Variants in POLA1 observed in about 807,000 individuals in gnomAD.
POLA1 encodes the protein DNA polymerase alpha catalytic subunit.
Under a neutral mutation model 124.0 loss-of-function variants are expected in POLA1, and 15 were observed. The ratio of observed to expected loss-of-function variants is 0.12; its 90% confidence interval spans 0.08 to 0.19. The LOEUF (loss-of-function observed/expected upper bound fraction) is 0.19, where lower values mean the gene tolerates loss of function less well. Ranked by LOEUF, POLA1 falls within the 10% of genes least tolerant of loss-of-function variation. The pLI is 1.00. For missense variants in POLA1, 886 were observed against 1,103.4 expected, an observed-to-expected ratio of 0.80 and a Z score of 2.79; for synonymous variants, 408 against 389.4, an observed-to-expected ratio of 1.05 and a Z score of -0.56.
At position 24,749,790 on chromosome X, in the gene POLA1, G is replaced by A. The variant is rs746045687; in HGVS notation, c.2964+798G>A. Among the ~76,000 whole-genome samples the A allele has an allele frequency of 2.7e-5, 3 of 112,293 alleles. No homozygotes were observed. The South Asian group carries it at 1.1e-3, about 42-fold the overall frequency. On this transcript the variant is annotated intron_variant, in intron 26 of 36. Coordinates refer to ENST00000379068, the MANE Select transcript of POLA1 (RefSeq NM_001330360.2). ...TGAGAGTTATTGGCTTTAATAAGAT[G>A]GGCCAGATACCAAATAGAATTTAGG...
chrX:24,735,301 A>ATCTTATGGTAAGAT, intron 17 of POLA1, 98 bp from the exon 18 acceptor site: 1 of 507,777 alleles, frequency 2.0e-6, no homozygotes, highest in Non-Finnish European at 3.5e-6. Context: ...GGTTTCTTTT[A>ATCTTATGGTAAGAT]ACCCTAAGAA....
intron 26 of POLA1, among the ~76,000 whole-genome samples, chrX:24,793,789 T>C (rs1277766985): frequency 9.1e-6 from 1 of 109,840 alleles, no homozygotes; most frequent in African/African-American, 3.3e-5. Flanking sequence ...TTCACCATGT[T>C]GGCCAGGCTG....
chrX:24,861,272 A>T (rs1224174279), intron 34 of POLA1, among the ~76,000 whole-genome samples: 1 of 112,159 alleles, frequency 8.9e-6, no homozygotes, highest in Non-Finnish European at 1.9e-5. Context: ...AGCTGGGGCT[A>T]CAGGCAGGTG....
intron 4 of POLA1, among the ~76,000 whole-genome samples, chrX:24,707,199 C>T (rs1352182949): frequency 8.9e-6 from 1 of 111,927 alleles, no homozygotes; most frequent in African/African-American, 3.3e-5. Flanking sequence ...GTTAGAGTTA[C>T]GGTTCTATTG....
intron 36 of POLA1, among the ~76,000 whole-genome samples, chrX:24,967,256 T>C (rs980635462): frequency 2.7e-5 from 3 of 109,564 alleles, no homozygotes; most frequent in Non-Finnish European, 5.7e-5. Flanking sequence ...ACTACATGAA[T>C]GCATTTCTGT....
rs1188007317 is a variant in POLA1 at position 24,814,963 on chromosome X, T to TG, written c.3297-16_3297-15insG. The TG allele has an allele frequency of 1.9e-6, 2 of 1,073,742 alleles. No homozygotes were observed. The highest frequency in any genetic ancestry group is 2.4e-6 in the Non-Finnish European group (2 of 830,935). The allele number at this position is 1,073,742 out of a possible 1,213,427, so 88.5% of individuals were successfully genotyped here. ...CAACTGCTGTCTTTGTTTTGTTTTT[T>TG]TTTTTTTTTTTGCAGCTTTGTGATT... On this transcript the variant is annotated splice_polypyrimidine_tract_variant and intron_variant, in intron 29 of 36. Coordinates refer to ENST00000379068, the MANE Select transcript of POLA1 (RefSeq NM_001330360.2).
intron 34 of POLA1, among the ~76,000 whole-genome samples, chrX:24,876,696 T>G (rs2046941194): frequency 9.7e-6 from 1 of 103,606 alleles, no homozygotes; most frequent in Non-Finnish European, 2.0e-5. Context: ...GGGGGGATAG[T>G]GGTAGTGGTA....
intron 36 of POLA1, among the ~76,000 whole-genome samples, chrX:24,984,889 T>C (rs896161002): frequency 9.2e-4 from 102 of 110,430 alleles, no homozygotes; most frequent in Non-Finnish European, 2.5e-4. Flanking sequence ...CTCGATCTCC[T>C]GACCTCATGA....
In POLA1 at chrX:24,965,643, G is replaced by C. The variant is rs911972860; in HGVS notation, c.4262-30162G>C. Among the ~76,000 whole-genome samples, 69 of 112,116 alleles carry C rather than the reference G, an allele frequency of 6.2e-4. 1 individual carries two copies. The highest frequency in any genetic ancestry group is 1.1e-3 in the Non-Finnish European group (59 of 53,239). On this transcript the variant is annotated intron_variant, in intron 36 of 36. Transcript: ENST00000379068. The stretch of plus-strand genomic sequence containing the variant: ...TAGTTCTTGGCTAGTTAGAAGGCCA[G>C]GTTCTGTGGCTGAGCTCGTAAAAGT...
At chrX:24,737,591 A>G (rs750343301) in intron 18 of POLA1, 34 bp from the exon 19 acceptor site, 5 of 699,479 alleles carry the variant, frequency 7.1e-6, no homozygotes, top group Non-Finnish European at 1.1e-5. Flanking sequence ...TGCATTTGTT[A>G]TAACATTATC....
rs971558639 is a variant in POLA1 at position 24,866,020 on chromosome X, C to T, written c.4048-21986C>T. On this transcript the variant is annotated intron_variant, in intron 34 of 36. Coordinates refer to ENST00000379068, the MANE Select transcript of POLA1 (RefSeq NM_001330360.2). The stretch of plus-strand genomic sequence containing the variant: ...TGGGGTTTCTTCTTATCAACTTCCA[C>T]GCATATTGATAAGTTCAGCCTATTT... Among the ~76,000 whole-genome samples the T allele has an allele frequency of 6.3e-5, 7 of 111,615 alleles. 1 individual carries two copies. The highest frequency in any genetic ancestry group is 2.8e-4 in the Admixed American group (3 of 10,533).
intron 26 of POLA1, among the ~76,000 whole-genome samples, chrX:24,803,470 A>G (rs955264269): frequency 6.3e-5 from 7 of 111,070 alleles, no homozygotes; most frequent in Non-Finnish European, 1.3e-4. Flanking sequence ...AGATGTGTAT[A>G]TATACCCCCG....
intron 36 of POLA1, among the ~76,000 whole-genome samples, chrX:24,978,417 T>TG (rs2048389389): frequency 9.0e-6 from 1 of 111,701 alleles, no homozygotes; most frequent in Middle Eastern, 4.2e-3. Context: ...TCCACCCAGG[T>TG]CAAATTTGAT....
chrX:24,716,555 G>T, intron 7 of POLA1, 101 bp downstream of exon 7: 1 of 491,884 alleles, frequency 2.0e-6, no homozygotes, highest in Non-Finnish European at 3.5e-6. Context: ...ATTTGTTTTT[G>T]ATTTTTGTTT....
chrX:24,786,539 C>T (rs2045364836), intron 26 of POLA1, among the ~76,000 whole-genome samples: 1 of 108,933 alleles, frequency 9.2e-6, no homozygotes, highest in Admixed American at 9.9e-5. Context: ...GACAGGGTCT[C>T]ATTCTGTTTC....
intron 36 of POLA1, among the ~76,000 whole-genome samples, chrX:24,966,769 G>A (rs753548527): frequency 2.9e-4 from 32 of 111,991 alleles, no homozygotes; most frequent in Middle Eastern, 9.2e-3. Flanking sequence ...ATCATGGTCC[G>A]TGTTAAATTC....
chrX:24,738,355 C>T (rs968205608), intron 19 of POLA1, among the ~76,000 whole-genome samples: 3 of 109,785 alleles, frequency 2.7e-5, no homozygotes, highest in African/African-American at 9.9e-5. Flanking sequence ...GCCCTTAGGG[C>T]AAGGTTGCAT....
At chrX:24,890,111 A>G (rs1384080596) in intron 35 of POLA1, among the ~76,000 whole-genome samples, 1 of 97,654 alleles carries the variant, frequency 1.0e-5, no homozygotes, top group East Asian at 3.2e-4. Context: ...TTTTTGAGAC[A>G]GAGTCTTACT....
rs780377081 is a variant in POLA1, at chrX:24,864,622, G to A, written c.4047+20945G>A. On this transcript the variant is annotated intron_variant, in intron 34 of 36. Transcript: ENST00000379068. ...TTTTCACACAACTGCTGGGATTGTCGTCACCCACTTGCCATTTTTATCTTT... is the reference window on the plus strand; with the variant it reads ...TTTTCACACAACTGCTGGGATTGTCATCACCCACTTGCCATTTTTATCTTT... Among the ~76,000 whole-genome samples the A allele has an allele frequency of 3.4e-4, 38 of 110,703 alleles. 1 individual carries two copies. In the South Asian group the frequency reaches 0.015, roughly 42 times the overall value.
Sources: allele counts gnomAD v4.1 joint callset (sites outside exome capture counted in the v4.1 genomes callset), GRCh38; gene constraint gnomAD v4.1.1; transcripts MANE v1.5; gene names NCBI Gene and HGNC (gene_info 2026-07-23, HGNC 2026-07-21).